The following OFD1 variants were observed in gnomAD, a reference collection of about 807,000 sequenced individuals.
OFD1 encodes centriole and centriolar satellite protein OFD1.
A neutral mutation model predicts 81.4 loss-of-function variants in OFD1; 12 were observed. The observed-to-expected ratio is 0.15, with a 90% CI of 0.09 to 0.24. The LOEUF (loss-of-function observed/expected upper bound fraction) is 0.24. OFD1 is among the 10% of genes least tolerant of loss of function. The pLI, the probability that OFD1 is intolerant of heterozygous loss-of-function variation, is 1.00. For missense variants in OFD1, 685 were observed against 733.9 expected (o/e 0.93, Z 0.77); for synonymous variants, 256 against 263.7 (o/e 0.97, Z 0.28).
intron 8 of OFD1, among the ~76,000 whole-genome samples, chrX:13,747,658 A>G (rs948408034): frequency 9.0e-6 from 1 of 111,619 alleles, no homozygotes; most frequent in African/African-American, 3.3e-5. Context: ...ATCTGGATAG[A>G]CTGGTAGGTG....
At chrX:13,718,963 C>G in the OFD1 span, among the ~76,000 whole-genome samples, 4 of 110,772 alleles carry the variant, frequency 3.6e-5, no homozygotes, top group Middle Eastern at 4.6e-3. Flanking sequence ...TCGAGACCAG[C>G]CTGGGCAACA....
intron 21 of OFD1, 61 bp from the exon 22 acceptor site, chrX:13,768,657 G>T: frequency 1.1e-6 from 1 of 874,635 alleles, no homozygotes; most frequent in Non-Finnish European, 1.7e-6. Flanking sequence ...GGTTCTTAAA[G>T]TATTTCATGA....
At chrX:13,749,614 T>C in intron 9 of OFD1, 81 bp downstream of exon 9, 1 of 619,155 alleles carries the variant, frequency 1.6e-6, no homozygotes, top group East Asian at 3.5e-5. Flanking sequence ...AATATTCTAA[T>C]GTTCATTGCC....
intron 8 of OFD1, 138 bp downstream of exon 8, chrX:13,747,091 T>C (rs2047325564): frequency 1.7e-6 from 1 of 582,262 alleles, no homozygotes; most frequent in African/African-American, 2.3e-5. Context: ...AGAGTGCAAA[T>C]AGAAGGATGG....
intron 20 of OFD1, 68 bp from the exon 21 acceptor site, chrX:13,767,986 A>T: frequency 9.3e-7 from 1 of 1,073,590 alleles, no homozygotes; most frequent in Non-Finnish European, 1.3e-6. Flanking sequence ...ATATTAGTGC[A>T]TTTTTAAAAC....
chrX:13,724,395 A>G, the OFD1 span, among the ~76,000 whole-genome samples: 5 of 99,574 alleles, frequency 5.0e-5, no homozygotes, highest in Non-Finnish European at 1.0e-4. Flanking sequence ...TGTGTAATAT[A>G]TATTTAAAAA....
chrX:13,751,892 T>C, intron 10 of OFD1, among the ~76,000 whole-genome samples: 1 of 112,351 alleles, frequency 8.9e-6, no homozygotes, highest in Admixed American at 9.4e-5. Flanking sequence ...TTCTTATGGC[T>C]TCTCTAACGT....
At chrX:13,755,548 A>G (rs2047669695) in intron 12 of OFD1, among the ~76,000 whole-genome samples, 1 of 111,548 alleles carries the variant, frequency 9.0e-6, no homozygotes, top group Non-Finnish European at 1.9e-5. Context: ...TGTTTTCCAC[A>G]TTATAGGGTT....
In OFD1 at chrX:13,769,077, T is replaced by A. The variant is rs1447418277; in HGVS notation, c.3008T>A (p.Phe1003Tyr). Residue 1003 changes from phenylalanine to tyrosine, a missense_variant, in exon 23 of 23, where the codon TTT (phenylalanine) becomes TAT (tyrosine). By Grantham distance (22) the Phe-to-Tyr change is conservative. Coordinates refer to ENST00000340096, the MANE Select transcript of OFD1 (RefSeq NM_003611.3). ...SSDKVESLTG[F>Y]SHEELDDSW ...TTTCCCTAATTTAGTTTAACAGGCT[T>A]TTCTCATGAAGAACTAGACGACTCT... 1 of 1,194,884 alleles carries A rather than the reference T, an allele frequency of 8.4e-7. No individual in the cohort carries two copies. The highest frequency in any genetic ancestry group is 1.1e-6 in the Non-Finnish European group (1 of 880,057).
upstream of OFD1, among the ~76,000 whole-genome samples, chrX:13,732,840 C>G (rs752598503): frequency 8.9e-6 from 1 of 112,821 alleles, no homozygotes; most frequent in African/African-American, 3.2e-5. Context: ...TCTTTACAAC[C>G]TCTATAGAAG....
intron 19 of OFD1, 125 bp downstream of exon 19, chrX:13,763,980 G>A (rs1295199325): frequency 2.0e-5 from 11 of 556,366 alleles, no homozygotes; most frequent in Non-Finnish European, 3.1e-5. Context: ...AAAATCTTGG[G>A]TTGGGGGTTA....
chrX:13,762,658 A>C (rs773361980), intron 18 of OFD1, among the ~76,000 whole-genome samples: 5 of 112,984 alleles, frequency 4.4e-5, no homozygotes, highest in Non-Finnish European at 9.4e-5. Context: ...AGTATGACTA[A>C]TAATTTCAGA....
At chrX:13,751,879 C>T (rs898469933) in intron 10 of OFD1, among the ~76,000 whole-genome samples, 1 of 112,158 alleles carries the variant, frequency 8.9e-6, no homozygotes, top group Non-Finnish European at 1.9e-5. Flanking sequence ...ACATCCTCTG[C>T]GCTTCTTATG....
Position 13,760,963 on chromosome X carries a change from A to G in OFD1, c.2261-122A>G, listed in dbSNP as rs2047905366. On this transcript the variant is annotated intron_variant, in intron 16 of 22. Transcript: ENST00000340096. Reference sequence around the variant, plus strand: ...ATTAGTTTTCTGGATCTTATGCATCATAATTGGCTATTTGTGAGGATAACA... The same window carrying G: ...ATTAGTTTTCTGGATCTTATGCATCGTAATTGGCTATTTGTGAGGATAACA... The G allele has an allele frequency of 3.3e-6, 3 of 912,224 alleles. No homozygotes were observed. The East Asian group carries it at 9.3e-5, about 28-fold the overall frequency. 75.2% of individuals were successfully genotyped at this position (912,224 alleles called of 1,213,427 possible). A position where few individuals can be genotyped will look rare whatever the true frequency, so the allele number is the denominator to read the frequency against.
At chrX:13,769,870 T>A (rs2048268302), downstream of OFD1, among the ~76,000 whole-genome samples, 1 of 111,974 alleles carries the variant, frequency 8.9e-6, no homozygotes, top group Non-Finnish European at 1.9e-5. Context: ...TTCCTTGATC[T>A]TCGACTTCCC....
intron 21 of OFD1, 32 bp from the exon 22 acceptor site, chrX:13,768,686 T>A (rs748005664): frequency 8.8e-7 from 1 of 1,136,645 alleles, no homozygotes; most frequent in East Asian, 3.0e-5. Flanking sequence ...CATATCTAAT[T>A]TCAAAATTTT....
chrX:13,758,643 C>T (rs2047806595), intron 15 of OFD1, among the ~76,000 whole-genome samples, 195 bp downstream of exon 15: 1 of 111,603 alleles, frequency 9.0e-6, no homozygotes, highest in Non-Finnish European at 1.9e-5. Flanking sequence ...AAGTATTTTG[C>T]TTCATAGGTG....
At chrX:13,724,400 TAAAAAAA>T in the OFD1 span, among the ~76,000 whole-genome samples, 1 of 82,326 alleles carries the variant, frequency 1.2e-5, no homozygotes, top group South Asian at 5.4e-4. Flanking sequence ...AATATATATT[TAAAAAAA>T]AAAAAAAAAA....
chrX:13,720,226 C>T, the OFD1 span: 1 of 202,292 alleles, frequency 4.9e-6, no homozygotes, highest in Non-Finnish European at 9.0e-6. Flanking sequence ...AGACCTCTAA[C>T]ATGAAATCAC....
Sources: gnomAD v4.1 joint callset for allele counts (sites outside exome capture counted in the v4.1 genomes callset) on GRCh38, gnomAD v4.1.1 for gene constraint, MANE v1.5 for transcripts, NCBI Gene and HGNC (gene_info 2026-07-23, HGNC 2026-07-21) for gene names.